LNPEP: variants seen among roughly 807,000 people sequenced by gnomAD.
LNPEP encodes leucyl-cystinyl aminopeptidase.
LNPEP carries 64 observed loss-of-function variants against 120.6 expected under a neutral mutation model. The observed-to-expected ratio is 0.53, with a 90% CI of 0.43 to 0.65. LNPEP has a LOEUF of 0.65. LNPEP is among the 30% of genes least tolerant of loss of function. LNPEP has a pLI of 0.00. For synonymous variants in LNPEP, 435 were observed against 425.4 expected (o/e 1.02, Z -0.28); for missense variants, 1,057 against 1,200.0 (o/e 0.88, Z 1.76).
intron 9 of LNPEP, among the ~76,000 whole-genome samples, chr5:97,004,372 C>T (rs559230294): frequency 3.9e-5 from 6 of 152,150 alleles, no homozygotes; most frequent in Non-Finnish European, 5.9e-5. Flanking sequence ...AATTAGCCAA[C>T]GTGGTGGCAC....
chr5:96,943,232 AAAAAAG>A lies in LNPEP; in HGVS notation c.19+7063_19+7068del, dbSNP rs931618258. The A allele has an allele frequency of 8.2e-4, 176 of 213,452 alleles. 1 individual carries two copies. The highest frequency in any genetic ancestry group is 3.0e-3 in the South Asian group (29 of 9,618). The allele number at this position is 213,452 out of a possible 1,614,324, so 13.2% of individuals were successfully genotyped here. A position where few individuals can be genotyped will look rare whatever the true frequency, so the allele number is the denominator to read the frequency against. ...ATGATTACCAGTTGTTTAAAAAAAA[AAAAAAG>A]AAAACTATAGAGAGCTATCTACCTT... On this transcript the variant is annotated intron_variant, in intron 1 of 17. Transcript: ENST00000231368.
At chr5:96,939,482 C>T (rs2548226) in intron 1 of LNPEP, among the ~76,000 whole-genome samples, 56,283 of 151,740 alleles carry the variant, frequency 0.37, 10,563 homozygotes, top group Non-Finnish European at 0.42. Context: ...ACTGGGATTA[C>T]AGGCATGAGC....
intron 1 of LNPEP, chr5:96,937,774 G>T (rs1788951669): frequency 6.6e-6 from 1 of 152,118 alleles, no homozygotes; most frequent in African/African-American, 2.4e-5. Flanking sequence ...TTTAAAATTG[G>T]TGTCTTTTCT....
chr5:96,958,501 A>G (rs1581984473), intron 1 of LNPEP: 1 of 985,426 alleles, frequency 1.0e-6, no homozygotes, highest in East Asian at 1.1e-4. Flanking sequence ...CATGAATGTC[A>G]GGCATGTTGT....
chr5:96,938,876 T>G (rs185145085), intron 1 of LNPEP, among the ~76,000 whole-genome samples: 23 of 152,144 alleles, frequency 1.5e-4, no homozygotes, highest in Admixed American at 1.4e-3. Flanking sequence ...GCTTTTTTTA[T>G]GAAGAGAGAT....
intron 4 of LNPEP, 60 bp from the exon 5 acceptor site, chr5:96,992,955 T>G: frequency 1.1e-4 from 137 of 1,301,084 alleles, no homozygotes; most frequent in Non-Finnish European, 1.4e-4. Context: ...CAGTGCTACT[T>G]GAGTATCATG....
At chr5:97,013,588 T>A (rs74970606) in intron 11 of LNPEP, 60 bp from the exon 12 acceptor site, 2 of 902,424 alleles carry the variant, frequency 2.2e-6, no homozygotes, top group African/African-American at 1.7e-5. Flanking sequence ...GCACTCATAA[T>A]TTTTTTTTCT....
chr5:96,951,424 A>AT (rs1789321042), intron 1 of LNPEP, among the ~76,000 whole-genome samples: 1 of 151,904 alleles, frequency 6.6e-6, no homozygotes, highest in Non-Finnish European at 1.5e-5. Flanking sequence ...CGCCTGGCTA[A>AT]TTTTTTGTAT....
chr5:96,996,477 G>GA lies in LNPEP; in HGVS notation c.1501dup (p.Ile501AsnfsTer7). 2 of 1,597,974 alleles carry GA rather than the reference G, an allele frequency of 1.3e-6. No homozygotes were observed. Among genetic ancestry groups the GA allele is most frequent in the Non-Finnish European group, 1.7e-6 (2 of 1,166,362 alleles). ...CACTTTCATGGAGTATTTCTCTTTG[G>GA]AAAAAATATTCAAAGAGCTTTCTAG... On this transcript the variant is annotated frameshift_variant, in exon 7 of 18. Coordinates refer to ENST00000231368, the MANE Select transcript of LNPEP (RefSeq NM_005575.3). LOFTEE classifies it high-confidence loss of function.
At chr5:97,019,121 C>T (rs1364942010) in intron 13 of LNPEP, among the ~76,000 whole-genome samples, 3 of 152,150 alleles carry the variant, frequency 2.0e-5, no homozygotes, top group Non-Finnish European at 2.9e-5. Flanking sequence ...TAAGTGCTAG[C>T]ATCTTTCCCT....
chr5:96,985,101 T>C lies in LNPEP; in HGVS notation c.882T>C (p.Phe294=), dbSNP rs757227782. The C allele has an allele frequency of 2.5e-6, 4 of 1,613,894 alleles. No homozygotes were observed. The Admixed American group carries it at 6.7e-5, about 27-fold the overall frequency. ...NEKKYFAATQ[F]EPLAARSAFP... is the part of the protein sequence containing the mutation. ...TTAGGTACTTTGCAGCAACTCAGTT[T>C]GAACCCCTGGCAGCAAGATCTGCTT... is the stretch of plus-strand genomic sequence containing the variant. Residue 294 remains phenylalanine, a synonymous_variant, in exon 3 of 18, where the codon TTT becomes TTC. Coordinates refer to ENST00000231368, the MANE Select transcript of LNPEP (RefSeq NM_005575.3).
intron 1 of LNPEP, among the ~76,000 whole-genome samples, chr5:96,944,298 A>C (rs937862703): frequency 1.3e-5 from 2 of 152,216 alleles, no homozygotes; most frequent in African/African-American, 2.4e-5. Context: ...AAAATCTTTA[A>C]AGAGGCTTAT....
chr5:97,007,318 G>T (rs1237631823), intron 11 of LNPEP, among the ~76,000 whole-genome samples: 9 of 152,092 alleles, frequency 5.9e-5, no homozygotes, highest in Admixed American at 5.9e-4. Flanking sequence ...AGACTGCCGG[G>T]TTCAATTCTT....
intron 13 of LNPEP, among the ~76,000 whole-genome samples, chr5:97,017,582 T>C (rs997246141): frequency 6.6e-6 from 1 of 152,200 alleles, no homozygotes; most frequent in African/African-American, 2.4e-5. Flanking sequence ...CCATCTGGAA[T>C]TGATTTTTGT....
intron 1 of LNPEP, among the ~76,000 whole-genome samples, chr5:96,968,056 T>C (rs915959910): frequency 6.6e-6 from 1 of 152,168 alleles, no homozygotes; most frequent in Non-Finnish European, 1.5e-5. Flanking sequence ...TCCGTTATTC[T>C]AGAAAAGTAA....
intron 1 of LNPEP, chr5:96,943,058 T>C: frequency 3.8e-6 from 1 of 262,048 alleles, no homozygotes; most frequent in South Asian, 7.2e-5. Flanking sequence ...TTCTGAGACA[T>C]GGTATTGTTT....
chr5:96,944,195 T>A (rs1472274469), intron 1 of LNPEP, among the ~76,000 whole-genome samples: 1 of 152,238 alleles, frequency 6.6e-6, no homozygotes, highest in Non-Finnish European at 1.5e-5. Context: ...TGTTATTTTG[T>A]CAAATTTAAA....
chr5:97,003,593 G>A (rs1386748722), intron 9 of LNPEP, 47 bp downstream of exon 9: 2 of 1,380,376 alleles, frequency 1.4e-6, no homozygotes, highest in Non-Finnish European at 2.0e-6. Flanking sequence ...AAAAAGAGAG[G>A]AGTTCGTCTA....
At chr5:96,995,078 C>A (rs117592105) in intron 6 of LNPEP, among the ~76,000 whole-genome samples, 3 of 151,956 alleles carry the variant, frequency 2.0e-5, no homozygotes, top group African/African-American at 7.2e-5. Context: ...AGTGCACTCC[C>A]GCCTGACAAC....
Sources: allele counts gnomAD v4.1 joint callset (sites outside exome capture counted in the v4.1 genomes callset), GRCh38; gene constraint gnomAD v4.1.1; transcripts MANE v1.5; gene names NCBI Gene and HGNC (gene_info 2026-07-23, HGNC 2026-07-21).